COL8A2: variants seen among roughly 807,000 people sequenced by gnomAD.
The protein encoded by COL8A2 is collagen alpha-2(VIII) chain.
In COL8A2, 16 loss-of-function variants were observed where a neutral mutation model predicts 24.0. That is an observed-to-expected ratio of 0.67 (90% CI 0.45 to 1.01). The LOEUF is 1.01. Ranked by LOEUF, COL8A2 falls within the 50% of genes least tolerant of loss-of-function variation. The pLI is 0.00. For missense variants in COL8A2, 818 were observed against 942.4 expected (o/e 0.87, Z 1.73); for synonymous variants, 466 against 424.5 (o/e 1.10, Z -1.20).
rs752638766 is a variant in COL8A2, at chr1:36,100,171, C to T, written c.72G>A (p.Pro24=). The T allele has an allele frequency of 2.4e-5, 38 of 1,610,294 alleles. No homozygotes were observed. The Admixed American group carries it at 2.5e-4, about 11-fold the overall frequency. The change falls in exon 3 of 4, where the codon CCG becomes CCA. Residue 24 remains proline (P), a synonymous_variant. Coordinates refer to ENST00000397799, the MANE Select transcript of COL8A2 (RefSeq NM_005202.4). ...LLLVLVLGCG[P]RASSGGGAGG... ...CGGCCCCGCCACCAGAGGACGCCCG[C>T]GGCCCACACCCCAGCACCAGCACCA...
rs899127428 is a variant in COL8A2, at chr1:36,115,035, C to T, written c.-17+673G>A. Among the ~76,000 whole-genome samples the T allele has an allele frequency of 1.3e-5, 2 of 152,164 alleles. No homozygotes were observed. The highest frequency in any genetic ancestry group is 4.8e-5 in the African/African-American group (2 of 41,438). ...GCAGGGGCAGATGGACTAGAAAAGG[C>T]CCGGCAGTGGGCAGACCTGAGGGCA... On this transcript the variant is annotated intron_variant, in intron 2 of 3. Transcript: ENST00000397799. The surrounding 1 kb of genome is among the most constrained non-coding windows in gnomAD (Gnocchi z 5.7).
At position 36,125,022 on chromosome 1, in the gene COL8A2, A is replaced by C. The variant is rs1016852300; in HGVS notation, c.-62+35T>G. ...CCAGGTCTTGCCCTCGGAGCCCCCCAGCCCGAGCCCCGGTGCCCGCCTCCT... is the reference window on the plus strand; with the variant it reads ...CCAGGTCTTGCCCTCGGAGCCCCCCCGCCCGAGCCCCGGTGCCCGCCTCCT... On this transcript the variant is annotated intron_variant, in intron 1 of 3. Transcript: ENST00000397799. This position sits in a 1 kb window ranked among gnomAD's most constrained non-coding sequence, Gnocchi z 4.5. 20 of 915,248 alleles carry C rather than the reference A, an allele frequency of 2.2e-5. No homozygotes were observed. In the Admixed American group the frequency reaches 6.2e-4, roughly 28 times the overall value. 56.7% of individuals were successfully genotyped at this position (915,248 alleles called of 1,614,324 possible).
intron 1 of COL8A2, among the ~76,000 whole-genome samples, 169 bp downstream of exon 1, chr1:36,124,888 G>A (rs944157515): frequency 1.8e-4 from 27 of 152,030 alleles, no homozygotes; most frequent in African/African-American, 6.0e-4. Context: ...AACGGGATGG[G>A]CTCCCCCATT....
At chr1:36,118,802 T>C (rs775535630) in intron 1 of COL8A2, among the ~76,000 whole-genome samples, 1 of 152,074 alleles carries the variant, frequency 6.6e-6, no homozygotes, top group Non-Finnish European at 1.5e-5. Flanking sequence ...AGGTGAACAA[T>C]TGGCTCCTGC....
Position 36,100,198 on chromosome 1 carries a change from T to A in COL8A2, c.45A>T (p.Leu15=). The part of the protein sequence containing the change: ...LTPLSSLLLL[L]LVLVLGCGPR... ...GCCCACACCCCAGCACCAGCACCAG[T>A]AGCAGCAGCAGCAGCGAAGACAGGG... Residue 15 remains leucine (L), a synonymous_variant, in exon 3 of 4, where the codon CTA becomes CTT. Coordinates refer to ENST00000397799, the MANE Select transcript of COL8A2 (RefSeq NM_005202.4). 6.2e-7 allele frequency: 1 copy of A among 1,600,762 alleles called. No homozygotes were observed. The highest frequency in any genetic ancestry group is 8.5e-7 in the Non-Finnish European group (1 of 1,174,256).
Position 36,099,570 on chromosome 1 carries a change from A to G in COL8A2, c.194-83T>C. The stretch of plus-strand genomic sequence containing the variant: ...CATCTACCCATTCCCCCATTCCAGT[A>G]TGAGGTACACGGGAGAGGAAGAATG... On this transcript the variant is annotated intron_variant, in intron 3 of 3. Transcript: ENST00000397799. The G allele has an allele frequency of 4.9e-6, 5 of 1,025,152 alleles. No homozygotes were observed. The South Asian group carries it at 6.8e-5, about 14-fold the overall frequency. 63.5% of individuals were successfully genotyped at this position (1,025,152 alleles called of 1,614,324 possible).
chr1:36,097,039 G>C lies in COL8A2; in HGVS notation c.*530C>G, dbSNP rs765380823. ...CACCATGGGGGCTGCAGTCCTGGCAGGGTGTCCACACTCGCCACCTCGATG... is the reference window on the plus strand; with the variant it reads ...CACCATGGGGGCTGCAGTCCTGGCACGGTGTCCACACTCGCCACCTCGATG... On this transcript the variant is annotated 3_prime_UTR_variant, in exon 4 of 4. Transcript: ENST00000397799. 1.2e-5 allele frequency: 2 copies of C among 160,754 alleles called. No homozygotes were observed. The highest frequency in any genetic ancestry group is 4.8e-5 in the African/African-American group (2 of 41,528). 10.0% of individuals were successfully genotyped at this position (160,754 alleles called of 1,614,324 possible). A position where few individuals can be genotyped will look rare whatever the true frequency, so the allele number is the denominator to read the frequency against.
chr1:36,114,032 T>C (rs1432377736), intron 2 of COL8A2, among the ~76,000 whole-genome samples: 1 of 151,732 alleles, frequency 6.6e-6, no homozygotes, highest in Non-Finnish European at 1.5e-5. Flanking sequence ...AAAATACAGG[T>C]TCGTGGCTGG....
intron 2 of COL8A2, among the ~76,000 whole-genome samples, chr1:36,114,318 C>CAAAAA (rs57876657): frequency 8.7e-6 from 1 of 115,288 alleles, no homozygotes; most frequent in African/African-American, 3.5e-5. Context: ...GACTCCATCT[C>CAAAAA]AAAAAAAAAA....
At position 36,100,258 on chromosome 1, in the gene COL8A2, G is replaced by A. The variant is rs766700848; in HGVS notation, c.-16C>T. Reference sequence around the variant, plus strand: ...TCCCCAGCATGGCGTCCGTGGACGTGCTGCAAAGAAGAACAGAGAAAGTCA... The same window carrying A: ...TCCCCAGCATGGCGTCCGTGGACGTACTGCAAAGAAGAACAGAGAAAGTCA... On this transcript the variant is annotated splice_region_variant and 5_prime_UTR_variant, in exon 3 of 4. Coordinates refer to ENST00000397799, the MANE Select transcript of COL8A2 (RefSeq NM_005202.4). 6.5e-7 allele frequency: 1 copy of A among 1,543,966 alleles called. No individual in the cohort carries two copies. The highest frequency in any genetic ancestry group is 2.4e-5 in the East Asian group (1 of 41,086).
At chr1:36,100,629 G>T (rs976467297) in intron 2 of COL8A2, among the ~76,000 whole-genome samples, 9 of 152,268 alleles carry the variant, frequency 5.9e-5, no homozygotes, top group Middle Eastern at 3.4e-3. Context: ...CATTTCCATT[G>T]CTGGGCCAGC....
intron 1 of COL8A2, among the ~76,000 whole-genome samples, chr1:36,118,414 G>C (rs1380723973): frequency 6.6e-6 from 1 of 152,228 alleles, no homozygotes; most frequent in Non-Finnish European, 1.5e-5. Flanking sequence ...GGAGCAGAGT[G>C]GGCAGCTACT....
At chr1:36,122,890 GCCCATTACT>G (rs758627402) in intron 1 of COL8A2, among the ~76,000 whole-genome samples, 3 of 152,030 alleles carry the variant, frequency 2.0e-5, no homozygotes, top group Non-Finnish European at 4.4e-5. Flanking sequence ...ATCCAACAGT[GCCCATTACT>G]CCCATTACTC....
chr1:36,099,064 C>A lies in COL8A2; in HGVS notation c.617G>T (p.Gly206Val). The A allele has an allele frequency of 1.3e-6, 2 of 1,518,922 alleles. No individual in the cohort carries two copies. The highest frequency in any genetic ancestry group is 1.8e-6 in the Non-Finnish European group (2 of 1,135,634). 94.1% of individuals were successfully genotyped at this position (1,518,922 alleles called of 1,614,324 possible). A position where few individuals can be genotyped will look rare whatever the true frequency, so the allele number is the denominator to read the frequency against. Residue 206 changes from glycine (G) to valine (V), a missense_variant, in exon 4 of 4, where the codon GGG (glycine) becomes GTG (valine). Physicochemically the swap from Gly to Val is moderately radical, Grantham distance 109. Coordinates refer to ENST00000397799, the MANE Select transcript of COL8A2 (RefSeq NM_005202.4). ...PGPPGDRGLK[G>V]DNGVGQPGLP... ...CCCGGGCTGGCCCACTCCATTATCCCCCTTGAGGCCTCGATCACCTGGGGG... is the reference window on the plus strand; with the variant it reads ...CCCGGGCTGGCCCACTCCATTATCCACCTTGAGGCCTCGATCACCTGGGGG...
rs1250125747 is a variant in COL8A2, at chr1:36,099,108, C to T, written c.573G>A (p.Gly191=). The change falls in exon 4 of 4, where the codon GGG becomes GGA. Residue 191 remains glycine, a synonymous_variant. Coordinates refer to ENST00000397799, the MANE Select transcript of COL8A2 (RefSeq NM_005202.4). ...PGPPGFQGEP[G]PQGEPGPPGD... ...CTGGGGGCCCAGGCTCCCCCTGGGG[C>T]CCTGGTTCCCCCTGGAATCCTGGGG... 8.0e-6 allele frequency: 12 copies of T among 1,506,282 alleles called. No individual in the cohort carries two copies. Among genetic ancestry groups the T allele is most frequent in the Non-Finnish European group, 1.1e-5 (12 of 1,128,800 alleles). The allele number at this position is 1,506,282 out of a possible 1,614,324, so 93.3% of individuals were successfully genotyped here. A position where few individuals can be genotyped will look rare whatever the true frequency, so the allele number is the denominator to read the frequency against.
chr1:36,124,952 A>T (rs1221613300), intron 1 of COL8A2, 105 bp downstream of exon 1: 2 of 348,026 alleles, frequency 5.7e-6, no homozygotes, highest in Admixed American at 6.4e-5. Context: ...CCGGAGTCCG[A>T]GGCGCCGGCC....
intron 1 of COL8A2, among the ~76,000 whole-genome samples, chr1:36,117,560 A>G (rs1221154324): frequency 6.6e-6 from 1 of 152,204 alleles, no homozygotes; most frequent in East Asian, 1.9e-4. Flanking sequence ...GCTAATATTC[A>G]TTGTGTACCC....
intron 2 of COL8A2, among the ~76,000 whole-genome samples, chr1:36,110,013 T>C (rs1305474796): frequency 7.0e-6 from 1 of 143,434 alleles, no homozygotes; most frequent in Non-Finnish European, 1.5e-5. Context: ...CACTGCAAGC[T>C]CCACCACCTA....
At chr1:36,103,152 A>T (rs1467425226) in intron 2 of COL8A2, among the ~76,000 whole-genome samples, 1 of 151,848 alleles carries the variant, frequency 6.6e-6, no homozygotes, top group Non-Finnish European at 1.5e-5. Flanking sequence ...CTATGTAAAG[A>T]CAGGGTCTCA....
Sources: allele counts gnomAD v4.1 joint callset (sites outside exome capture counted in the v4.1 genomes callset), GRCh38; gene constraint gnomAD v4.1.1; non-coding constraint Gnocchi (gnomAD v3.1); transcripts MANE v1.5; gene names NCBI Gene and HGNC (gene_info 2026-07-23, HGNC 2026-07-21).